The following SFMBT2 variants were observed in gnomAD, a reference collection of about 807,000 sequenced individuals.
SFMBT2 encodes scm-like with four MBT domains protein 2.
A neutral mutation model predicts 110.1 loss-of-function variants in SFMBT2; 38 were observed. The ratio of observed to expected loss-of-function variants is 0.35; its 90% confidence interval spans 0.27 to 0.45. The LOEUF is 0.45. Ranked by LOEUF, SFMBT2 falls within the 20% of genes least tolerant of loss-of-function variation. The pLI, the probability that SFMBT2 is intolerant of heterozygous loss-of-function variation, is 1.00. For missense variants in SFMBT2, 1,011 were observed against 1,094.9 expected (o/e 0.92, Z 1.08); for synonymous variants, 425 against 425.4 (o/e 1.00, Z 0.01).
At chr10:7,406,779 T>C (rs1276045418) in intron 1 of SFMBT2, among the ~76,000 whole-genome samples, 1 of 152,254 alleles carries the variant, frequency 6.6e-6, no homozygotes, top group Non-Finnish European at 1.5e-5. Context: ...AGGATGGATG[T>C]ATCCCAATGG....
intron 15 of SFMBT2, among the ~76,000 whole-genome samples, chr10:7,195,916 A>G (rs770168298): frequency 1.3e-5 from 2 of 152,176 alleles, no homozygotes; most frequent in Non-Finnish European, 2.9e-5. Context: ...CCACAACAAT[A>G]GCCTTATCGA....
chr10:7,323,614 A>C (rs1843273977), intron 4 of SFMBT2, among the ~76,000 whole-genome samples: 1 of 152,154 alleles, frequency 6.6e-6, no homozygotes, highest in African/African-American at 2.4e-5. Flanking sequence ...TTGAAATGTT[A>C]GAATTTGATA....
At chr10:7,254,779 G>C (rs1840940953) in intron 7 of SFMBT2, among the ~76,000 whole-genome samples, 1 of 152,116 alleles carries the variant, frequency 6.6e-6, no homozygotes, top group South Asian at 2.1e-4. Flanking sequence ...AGTGAGCAGA[G>C]ATCGAGCCAC....
At chr10:7,214,181 G>T (rs561227786) in intron 11 of SFMBT2, among the ~76,000 whole-genome samples, 1 of 152,260 alleles carries the variant, frequency 6.6e-6, no homozygotes, top group South Asian at 2.1e-4. Flanking sequence ...GCAGGAGATG[G>T]AGAATATATG....
intron 4 of SFMBT2, among the ~76,000 whole-genome samples, chr10:7,340,655 CAAAAAAA>C (rs776262305): frequency 3.5e-5 from 3 of 86,784 alleles, no homozygotes; most frequent in African/African-American, 1.4e-4. Context: ...GAACCTATCT[CAAAAAAA>C]AAAAAAAAAA....
chr10:7,311,690 T>A (rs1842862197), intron 4 of SFMBT2, among the ~76,000 whole-genome samples: 1 of 152,242 alleles, frequency 6.6e-6, no homozygotes, highest in Non-Finnish European at 1.5e-5. Flanking sequence ...ATTTCCTTTA[T>A]CTAGGCTGAA....
At chr10:7,260,715 A>G (rs573791827) in intron 7 of SFMBT2, among the ~76,000 whole-genome samples, 1 of 152,252 alleles carries the variant, frequency 6.6e-6, no homozygotes, top group East Asian at 1.9e-4. Flanking sequence ...CAGTGCAGAC[A>G]GTTATTTGGC....
chr10:7,400,354 G>C (rs942110346), intron 1 of SFMBT2, among the ~76,000 whole-genome samples: 35 of 152,200 alleles, frequency 2.3e-4, no homozygotes, highest in African/African-American at 8.4e-4. Context: ...CGTAAACACT[G>C]TCTGTTTCTG....
At chr10:7,166,760 C>A (rs1166064104) in intron 20 of SFMBT2, among the ~76,000 whole-genome samples, 2 of 152,116 alleles carry the variant, frequency 1.3e-5, no homozygotes, top group Non-Finnish European at 2.9e-5. Flanking sequence ...TTATTAAGGC[C>A]AAGAGGGACT....
intron 20 of SFMBT2, among the ~76,000 whole-genome samples, chr10:7,168,598 T>G (rs1837771643): frequency 6.6e-6 from 1 of 152,232 alleles, no homozygotes. Context: ...GACCAGCGCT[T>G]GTCACGTATT....
chr10:7,256,005 G>C lies in SFMBT2; in HGVS notation c.871-7356C>G, dbSNP rs544484580. ...GGCATTTTGGATAAGAGATGCTCAGGCTGTAATATCAAGTGGACAGAAACA... is the reference window on the plus strand; with the variant it reads ...GGCATTTTGGATAAGAGATGCTCAGCCTGTAATATCAAGTGGACAGAAACA... On this transcript the variant is annotated intron_variant, in intron 7 of 20. Coordinates refer to ENST00000397167, the MANE Select transcript of SFMBT2 (RefSeq NM_001387889.1). Among the ~76,000 whole-genome samples, 5 of 152,220 alleles carry C rather than the reference G, an allele frequency of 3.3e-5. No homozygotes were observed. The South Asian group carries it at 1.0e-3, about 32-fold the overall frequency.
chr10:7,175,966 T>A, intron 17 of SFMBT2, 24 bp downstream of exon 17: 2 of 1,598,596 alleles, frequency 1.3e-6, no homozygotes, highest in Non-Finnish European at 1.7e-6. Flanking sequence ...CTCATGCATT[T>A]CTTTTTTCAT....
In SFMBT2 at chr10:7,248,639, T is replaced by C. The variant is rs375501554; in HGVS notation, c.881A>G (p.Asp294Gly). 2.4e-5 allele frequency: 38 copies of C among 1,614,122 alleles called. No homozygotes were observed. The African/African-American group carries it at 4.1e-4, about 18-fold the overall frequency. Residue 294 changes from aspartate to glycine, a missense_variant, in exon 8 of 21, where the codon GAT becomes GGT. By Grantham distance (94) the Asp-to-Gly change is moderately conservative. Coordinates refer to ENST00000397167, the MANE Select transcript of SFMBT2 (RefSeq NM_001387889.1). ...LPMEVFKDHA[D>G]LRSHFFTVGM... The stretch of plus-strand genomic sequence containing the variant: ...AACTGTGAAGAAATGGCTTCGCAAA[T>C]CTGCGTGATCCTGCAGGGAGAAAGA...
rs1438888984 is a variant in SFMBT2 at position 7,162,589 on chromosome 10, T to TAAGGG, written c.*1176_*1180dup. The TAAGGG allele has an allele frequency of 6.6e-6, 1 of 152,276 alleles. No individual in the cohort carries two copies. The highest frequency in any genetic ancestry group is 2.4e-5 in the African/African-American group (1 of 41,466). 9.4% of individuals were successfully genotyped at this position (152,276 alleles called of 1,614,324 possible). A position where few individuals can be genotyped will look rare whatever the true frequency, so the allele number is the denominator to read the frequency against. On this transcript the variant is annotated 3_prime_UTR_variant, in exon 21 of 21. Transcript: ENST00000397167. Reference sequence around the variant, plus strand: ...CGGTGACCTGCTGCAGTGATCCTTCTAAGGGGGACGTAGCTGGTTGATGAA... The same window carrying TAAGGG: ...CGGTGACCTGCTGCAGTGATCCTTCTAAGGGAAGGGGGACGTAGCTGGTTGATGAA...
intron 10 of SFMBT2, 92 bp from the exon 11 acceptor site, chr10:7,220,629 G>T: frequency 7.6e-7 from 1 of 1,307,436 alleles, no homozygotes; most frequent in Non-Finnish European, 1.1e-6. Flanking sequence ...GCACGCACAC[G>T]CATCTTACAT....
intron 10 of SFMBT2, among the ~76,000 whole-genome samples, chr10:7,223,135 G>A (rs11591664): frequency 1.3e-3 from 201 of 152,296 alleles, no homozygotes; most frequent in Middle Eastern, 3.4e-3. Context: ...ATACCATTAA[G>A]TTTGCCTGTT....
intron 4 of SFMBT2, among the ~76,000 whole-genome samples, chr10:7,351,547 G>A (rs1844314699): frequency 6.6e-6 from 1 of 152,184 alleles, no homozygotes; most frequent in Admixed American, 6.5e-5. Context: ...TAATTAAGTG[G>A]TGGCATTAGG....
At chr10:7,187,343 ACTG>A (rs1217798043) in intron 16 of SFMBT2, among the ~76,000 whole-genome samples, 2 of 152,200 alleles carry the variant, frequency 1.3e-5, no homozygotes, top group African/African-American at 2.4e-5. Context: ...ATGTGCCACT[ACTG>A]CTAATGATCT....
At chr10:7,235,451 T>G (rs1247134091) in intron 9 of SFMBT2, among the ~76,000 whole-genome samples, 3 of 151,818 alleles carry the variant, frequency 2.0e-5, no homozygotes, top group Admixed American at 2.0e-4. Context: ...AAAAGAGTGC[T>G]TCCGCCAGTC....
Sources: allele counts gnomAD v4.1 joint callset (sites outside exome capture counted in the v4.1 genomes callset), GRCh38; gene constraint gnomAD v4.1.1; transcripts MANE v1.5; gene names NCBI Gene and HGNC (gene_info 2026-07-23, HGNC 2026-07-21).